Variants in C11orf65 observed in about 807,000 individuals in gnomAD.
C11orf65 encodes the protein protein MFI.
In C11orf65, 38 loss-of-function variants were observed where a neutral mutation model predicts 35.3. The observed-to-expected ratio is 1.08, with a 90% CI of 0.83 to 1.41. C11orf65 has a LOEUF of 1.41. Among genes scored for constraint, C11orf65 ranks in the 40% most tolerant of loss-of-function variants. C11orf65 has a pLI of 0.00. For synonymous variants in C11orf65, 105 were observed against 114.4 expected, an observed-to-expected ratio of 0.92 and a Z score of 0.53; for missense variants, 370 against 367.1, an observed-to-expected ratio of 1.01 and a Z score of -0.06.
intron 1 of C11orf65, among the ~76,000 whole-genome samples, 165 bp from the exon 2 acceptor site, chr11:108,461,733 T>C (rs915321936): frequency 6.6e-5 from 10 of 152,266 alleles, no homozygotes; most frequent in African/African-American, 2.4e-4. Flanking sequence ...GCTCAAGTGA[T>C]CCTCTTGCCT....
chr11:108,331,896 A>T lies in C11orf65; in HGVS notation c.300-329T>A, dbSNP rs1591171175. ...TCTTACAGCTAATCTCTAGAATTTC[A>T]ATGGATCACCCCCATCACACTTTGT... On this transcript the variant is annotated intron_variant, in intron 3 of 3. Transcript: ENST00000524755. 6.2e-7 allele frequency: 1 copy of T among 1,613,830 alleles called. No individual in the cohort carries two copies.
At chr11:108,357,347 A>C (rs534442617) in intron 2 of C11orf65, among the ~76,000 whole-genome samples, 12 of 152,316 alleles carry the variant, frequency 7.9e-5, no homozygotes, top group African/African-American at 2.9e-4. Context: ...TCAAACTGCA[A>C]GGTGGCAGCG....
intron 2 of C11orf65, among the ~76,000 whole-genome samples, chr11:108,364,318 T>G (rs2091108597): frequency 6.6e-6 from 1 of 152,056 alleles, no homozygotes; most frequent in South Asian, 2.1e-4. Flanking sequence ...TAAAGCCTAT[T>G]TTTTTTAAAG....
At position 108,312,505 on chromosome 11, in the gene C11orf65, A is replaced by G. The variant is rs1060504289; in HGVS notation, c.641-3434T>C. On this transcript the variant is annotated intron_variant, in intron 6 of 6. Transcript: ENST00000525729. ...AACTGGAATAAGTTTACAGGTAAAT[A>G]TTAGAGGCTCTATTATTTATGACAG... 2.0e-6 allele frequency: 3 copies of G among 1,529,776 alleles called. No individual in the cohort carries two copies. Among genetic ancestry groups the G allele is most frequent in the Non-Finnish European group, 2.7e-6 (3 of 1,103,780 alleles). The allele number at this position is 1,529,776 out of a possible 1,614,324, so 94.8% of individuals were successfully genotyped here. A position where few individuals can be genotyped will look rare whatever the true frequency, so the allele number is the denominator to read the frequency against.
intron 2 of C11orf65, among the ~76,000 whole-genome samples, chr11:108,441,195 T>TC (rs1485183265): frequency 1.3e-5 from 2 of 152,076 alleles, no homozygotes; most frequent in East Asian, 3.8e-4. Context: ...GCTCAGAGGG[T>TC]CCCACACCCA....
intron 3 of C11orf65, among the ~76,000 whole-genome samples, chr11:108,430,894 G>C (rs1341374128): frequency 9.7e-6 from 1 of 103,594 alleles, no homozygotes; most frequent in East Asian, 3.5e-4. Flanking sequence ...CATAAGGATA[G>C]GGAACACACA....
At chr11:108,317,648 T>TAC (rs1453200885) in intron 6 of C11orf65, 93 of 133,376 alleles carry the variant, frequency 7.0e-4, no homozygotes, top group African/African-American at 2.2e-3. Flanking sequence ...TATATATATA[T>TAC]ATATACACAC....
chr11:108,371,492 T>C (rs147178934), intron 2 of C11orf65, among the ~76,000 whole-genome samples: 98 of 152,320 alleles, frequency 6.4e-4, no homozygotes, highest in African/African-American at 2.3e-3. Flanking sequence ...AATATTTGTC[T>C]CTTTGTGACT....
intron 2 of C11orf65, among the ~76,000 whole-genome samples, chr11:108,433,578 TCAAAA>T (rs140429504): frequency 0.019 from 2,886 of 148,886 alleles, 91 homozygotes; most frequent in African/African-American, 0.062. Context: ...AGACTCCGTC[TCAAAA>T]CAAAACAAAA....
At chr11:108,405,335 C>T (rs563315861) in intron 6 of C11orf65, 94 bp downstream of exon 6, 358 of 1,310,542 alleles carry the variant, frequency 2.7e-4, no homozygotes, top group Non-Finnish European at 3.7e-4. Context: ...CCCCCTGCAG[C>T]TAATGCCCTC....
At chr11:108,362,777 T>C (rs547998043) in intron 2 of C11orf65, among the ~76,000 whole-genome samples, 1,546 of 126,638 alleles carry the variant, frequency 0.012, 42 homozygotes, top group African/African-American at 0.044. Flanking sequence ...GGAAGGGGAA[T>C]ATCACACTCT....
At chr11:108,456,584 C>A (rs1430646525) in intron 2 of C11orf65, among the ~76,000 whole-genome samples, 1 of 151,810 alleles carries the variant, frequency 6.6e-6, no homozygotes, top group Non-Finnish European at 1.5e-5. Context: ...GAGTTCAACA[C>A]CAGCCTTGGC....
intron 1 of C11orf65, among the ~76,000 whole-genome samples, chr11:108,466,215 G>T (rs1361707280): frequency 6.6e-6 from 1 of 152,084 alleles, no homozygotes; most frequent in African/African-American, 2.4e-5. Flanking sequence ...GACTTTATAT[G>T]GTTATTATGA....
At chr11:108,377,326 G>A (rs1373060080) in intron 2 of C11orf65, among the ~76,000 whole-genome samples, 4 of 152,140 alleles carry the variant, frequency 2.6e-5, no homozygotes, top group African/African-American at 7.2e-5. Context: ...CTGGTTCAAT[G>A]TACGCAAATC....
At chr11:108,354,005 CA>C (rs779892350) in intron 2 of C11orf65, 4 of 955,358 alleles carry the variant, frequency 4.2e-6, no homozygotes, top group Non-Finnish European at 6.6e-6. Flanking sequence ...TGTTTGAGCC[CA>C]GGAGTTTGAG....
At chr11:108,435,207 A>G (rs2093044551) in intron 2 of C11orf65, among the ~76,000 whole-genome samples, 1 of 152,178 alleles carries the variant, frequency 6.6e-6, no homozygotes, top group African/African-American at 2.4e-5. Flanking sequence ...TGCTCTGCAG[A>G]TATAATGGTC....
rs2137022388 is a variant in C11orf65 at position 108,345,733 on chromosome 11, C to G, written c.227-10441G>C. Reference sequence around the variant, plus strand: ...ATTGAAAAATAATTATATATATTCTCTATTTAAAGGAGGTGCAAAAAAAGT... The same window carrying G: ...ATTGAAAAATAATTATATATATTCTGTATTTAAAGGAGGTGCAAAAAAAGT... On this transcript the variant is annotated intron_variant, in intron 2 of 3. Transcript: ENST00000524755. The G allele has an allele frequency of 1.3e-6, 2 of 1,567,486 alleles. No individual in the cohort carries two copies. Among genetic ancestry groups the G allele is most frequent in the Non-Finnish European group, 1.7e-6 (2 of 1,146,072 alleles).
chr11:108,361,796 C>T (rs370291237), intron 2 of C11orf65, among the ~76,000 whole-genome samples: 81 of 152,188 alleles, frequency 5.3e-4, no homozygotes, highest in African/African-American at 1.8e-3. Flanking sequence ...CAAAAATTAA[C>T]TCAAGATGGA....
intron 2 of C11orf65, among the ~76,000 whole-genome samples, chr11:108,353,289 T>A (rs192836049): frequency 6.6e-6 from 1 of 151,944 alleles, no homozygotes; most frequent in Non-Finnish European, 1.5e-5. Flanking sequence ...ACTGGGATTA[T>A]AGGCACCTGC....
Sources: gnomAD v4.1 joint callset for allele counts (sites outside exome capture counted in the v4.1 genomes callset) on GRCh38, gnomAD v4.1.1 for gene constraint, MANE v1.5 for transcripts, NCBI Gene and HGNC (gene_info 2026-07-23, HGNC 2026-07-21) for gene names.